The following ADGB variants were observed in gnomAD, a reference collection of about 807,000 sequenced individuals.
ADGB encodes the protein calpain-7-like protein.
ADGB carries 172 observed loss-of-function variants against 210.5 expected under a neutral mutation model. That is an observed-to-expected ratio of 0.82 (90% CI 0.72 to 0.93). ADGB has a LOEUF of 0.93. Ranked by LOEUF, ADGB falls within the 40% of genes least tolerant of loss-of-function variation. The pLI, the probability that ADGB is intolerant of heterozygous loss-of-function variation, is 0.00. For missense variants in ADGB, 2,025 were observed against 1,964.8 expected, an observed-to-expected ratio of 1.03 and a Z score of -0.58; for synonymous variants, 658 against 662.7, an observed-to-expected ratio of 0.99 and a Z score of 0.11.
At chr6:146,600,719 AT>A (rs11341825) in intron 1 of ADGB, among the ~76,000 whole-genome samples, 63,317 of 149,524 alleles carry the variant, frequency 0.42, 14,094 homozygotes, top group East Asian at 0.72. Context: ...TAAAAACTAC[AT>A]TTTTTTTTTT....
chr6:146,692,832 AG>A lies in ADGB; in HGVS notation c.1495del (p.Val499Ter). ...CTAACTGCTACTTTTTAGAGTTAATAGTAAAGAAGCCTGAACGGTTCCTTGA... is the reference window on the plus strand; with the variant it reads ...CTAACTGCTACTTTTTAGAGTTAATATAAAGAAGCCTGAACGGTTCCTTGA... ...VITDEAQELI[V>X]KKPERFLEIS... On this transcript the variant is annotated frameshift_variant, in exon 12 of 36. Transcript: ENST00000397944. LOFTEE classifies it high-confidence loss of function. 6.6e-7 allele frequency: 1 copy of A among 1,516,088 alleles called. No individual in the cohort carries two copies. The highest frequency in any genetic ancestry group is 1.3e-5 in the South Asian group (1 of 79,756). The allele number at this position is 1,516,088 out of a possible 1,614,324, so 93.9% of individuals were successfully genotyped here.
intron 1 of ADGB, among the ~76,000 whole-genome samples, chr6:146,615,424 A>T (rs534257848): frequency 6.6e-6 from 1 of 152,198 alleles, no homozygotes; most frequent in Non-Finnish European, 1.5e-5. Flanking sequence ...CATTTATTGT[A>T]TCTTTGTGTT....
intron 10 of ADGB, among the ~76,000 whole-genome samples, chr6:146,687,095 G>C (rs566909321): frequency 6.6e-6 from 1 of 152,118 alleles, no homozygotes; most frequent in African/African-American, 2.4e-5. Context: ...GTGTTCATAA[G>C]AGGATTATGT....
chr6:146,793,460 G>A (rs1777982698), intron 33 of ADGB, among the ~76,000 whole-genome samples: 1 of 152,188 alleles, frequency 6.6e-6, no homozygotes, highest in Non-Finnish European at 1.5e-5. Context: ...GGGCCCTGCA[G>A]TTGTAGTGTC....
At chr6:146,676,234 T>C in intron 8 of ADGB, 79 bp from the exon 9 acceptor site, 1 of 1,319,150 alleles carries the variant, frequency 7.6e-7, no homozygotes, top group African/African-American at 1.5e-5. Flanking sequence ...GCCTTTTTTC[T>C]TTAAGACAAT....
chr6:146,789,615 A>AT (rs1196474905), intron 33 of ADGB, among the ~76,000 whole-genome samples: 5 of 152,182 alleles, frequency 3.3e-5, no homozygotes. Context: ...AGATTCTGAT[A>AT]TTTTTTAACC....
chr6:146,616,499 T>A (rs1230440027), intron 1 of ADGB, among the ~76,000 whole-genome samples: 1 of 152,032 alleles, frequency 6.6e-6, no homozygotes, highest in African/African-American at 2.4e-5. Context: ...ATATATATAT[T>A]TGCTCAAACC....
At chr6:146,692,693 C>T (rs916009848) in intron 11 of ADGB, 132 bp from the exon 12 acceptor site, 1 of 471,162 alleles carries the variant, frequency 2.1e-6, no homozygotes. Flanking sequence ...TTTTACATTC[C>T]TATTTCACAC....
At position 146,664,354 on chromosome 6, in the gene ADGB, C is replaced by G. The variant is rs566727925; in HGVS notation, c.752+14C>G. The G allele has an allele frequency of 8.8e-5, 135 of 1,534,284 alleles. 1 individual carries two copies. Among genetic ancestry groups the G allele is most frequent in the Admixed American group, 5.9e-4 (28 of 47,584 alleles). On this transcript the variant is annotated intron_variant, in intron 6 of 35. Coordinates refer to ENST00000397944, the MANE Select transcript of ADGB (RefSeq NM_024694.4). Reference sequence around the variant, plus strand: ...GGCAAATATTGAGTATGTAATGACACTATCACTCACATGAATAAAAAAAGC... The same window carrying G: ...GGCAAATATTGAGTATGTAATGACAGTATCACTCACATGAATAAAAAAAGC...
chr6:146,720,740 G>A (rs1360184512), intron 16 of ADGB, among the ~76,000 whole-genome samples: 1 of 152,086 alleles, frequency 6.6e-6, no homozygotes, highest in Non-Finnish European at 1.5e-5. Flanking sequence ...AGAGAGACAG[G>A]AAAGGGGAAA....
At chr6:146,714,171 A>C (rs1201369025) in intron 13 of ADGB, among the ~76,000 whole-genome samples, 1 of 152,182 alleles carries the variant, frequency 6.6e-6, no homozygotes, top group Admixed American at 6.5e-5. Context: ...ATATATATTT[A>C]AGAAATTTAA....
At chr6:146,792,234 A>G (rs565317634) in intron 33 of ADGB, among the ~76,000 whole-genome samples, 1 of 152,200 alleles carries the variant, frequency 6.6e-6, no homozygotes, top group South Asian at 2.1e-4. Flanking sequence ...AAATTTTAGG[A>G]ATCTTTTTGT....
chr6:146,687,565 G>A lies in ADGB; in HGVS notation c.1311+1737G>A, dbSNP rs141298685. Among the ~76,000 whole-genome samples, 5 of 152,124 alleles carry A rather than the reference G, an allele frequency of 3.3e-5. No individual in the cohort carries two copies. The East Asian group carries it at 9.7e-4, about 30-fold the overall frequency. On this transcript the variant is annotated intron_variant, in intron 10 of 35. Transcript: ENST00000397944. ...AAGAACAGAAAATCAAACACCACGTGTTCTCACTGATAAGTGGGACTTGAA... is the reference window on the plus strand; with the variant it reads ...AAGAACAGAAAATCAAACACCACGTATTCTCACTGATAAGTGGGACTTGAA...
chr6:146,688,037 C>T (rs1474175959), intron 10 of ADGB, among the ~76,000 whole-genome samples: 1 of 152,066 alleles, frequency 6.6e-6, no homozygotes, highest in Non-Finnish European at 1.5e-5. Flanking sequence ...GTTAATTCAA[C>T]AGATTTTATG....
At chr6:146,766,195 G>A (rs1389566174) in intron 28 of ADGB, among the ~76,000 whole-genome samples, 2 of 151,810 alleles carry the variant, frequency 1.3e-5, no homozygotes, top group East Asian at 3.9e-4. Flanking sequence ...GGCTGAGGCT[G>A]GTAGATCACT....
chr6:146,802,801 T>A, intron 35 of ADGB: 1 of 1,607,296 alleles, frequency 6.2e-7, no homozygotes. Flanking sequence ...TCTCTCAATG[T>A]AACTGTAATA....
chr6:146,779,495 CAA>C (rs1164125030), intron 29 of ADGB, among the ~76,000 whole-genome samples: 1 of 152,060 alleles, frequency 6.6e-6, no homozygotes, highest in Non-Finnish European at 1.5e-5. Flanking sequence ...GGGAAAAATT[CAA>C]AGAGACCCAG....
chr6:146,629,245 G>C (rs1166645665), intron 1 of ADGB, among the ~76,000 whole-genome samples: 1 of 152,156 alleles, frequency 6.6e-6, no homozygotes, highest in Non-Finnish European at 1.5e-5. Flanking sequence ...TATTCTGCCA[G>C]TGGACTTCAA....
chr6:146,614,945 G>A (rs1274791931), intron 1 of ADGB, among the ~76,000 whole-genome samples: 1 of 152,184 alleles, frequency 6.6e-6, no homozygotes. Flanking sequence ...CTGTCGCCCA[G>A]GCTGGAGTGC....
Sources: gnomAD v4.1 joint callset for allele counts (sites outside exome capture counted in the v4.1 genomes callset) on GRCh38, gnomAD v4.1.1 for gene constraint, MANE v1.5 for transcripts, NCBI Gene and HGNC (gene_info 2026-07-23, HGNC 2026-07-21) for gene names.